Variants in PARD3B observed in about 807,000 individuals in gnomAD.
PARD3B encodes par-3 family cell polarity regulator beta, also known as partitioning defective 3 homolog B.
A neutral mutation model predicts 130.2 loss-of-function variants in PARD3B; 103 were observed. The ratio of observed to expected loss-of-function variants is 0.79; its 90% CI spans 0.67 to 0.93. PARD3B has a LOEUF of 0.93. PARD3B is among the 40% of genes least tolerant of loss of function. The pLI, the probability that PARD3B is intolerant of heterozygous loss-of-function variation, is 0.00. For synonymous variants in PARD3B, 583 were observed against 553.2 expected, an observed-to-expected ratio of 1.05 and a Z score of -0.76; for missense variants, 1,609 against 1,499.2, an observed-to-expected ratio of 1.07 and a Z score of -1.21.
chr2:205,339,117 T>C (rs1393865613), intron 18 of PARD3B, among the ~76,000 whole-genome samples: 1 of 152,360 alleles, frequency 6.6e-6, no homozygotes, highest in South Asian at 2.1e-4. Context: ...TTGAAGCATC[T>C]CTTGATGTAA....
Position 205,565,174 on chromosome 2 carries a change from GAT to G in PARD3B, c.3260+11773_3260+11774del, listed in dbSNP as rs540811441. Among the ~76,000 whole-genome samples the G allele has an allele frequency of 3.3e-5, 5 of 152,266 alleles. No homozygotes were observed. In the South Asian group the frequency reaches 1.0e-3, roughly 32 times the overall value. On this transcript the variant is annotated intron_variant, in intron 22 of 22. Transcript: ENST00000406610. ...CAAACACAGACCCTTTTCCAGAAATGATAGTGTCTGACAGCCCGGGTTTTACA... is the reference window on the plus strand; with the variant it reads ...CAAACACAGACCCTTTTCCAGAAATGAGTGTCTGACAGCCCGGGTTTTACA...
intron 22 of PARD3B, among the ~76,000 whole-genome samples, chr2:205,598,381 C>A (rs1319882961): frequency 1.3e-5 from 2 of 151,974 alleles, no homozygotes; most frequent in Non-Finnish European, 2.9e-5. Context: ...AAAAGCATTC[C>A]ATAATGATAA....
intron 18 of PARD3B, among the ~76,000 whole-genome samples, chr2:205,318,896 C>T (rs2042650789): frequency 1.3e-5 from 2 of 152,166 alleles, no homozygotes; most frequent in Admixed American, 1.3e-4. Flanking sequence ...TCTAGACTGG[C>T]ATTAGAGCTA....
rs542010766 is a variant in PARD3B, at chr2:205,413,098, C to G, written c.2741+11975C>G. 2.0e-5 allele frequency among the ~76,000 whole-genome samples: 3 copies of G among 152,168 alleles called. No individual in the cohort carries two copies. The South Asian group carries it at 6.2e-4, about 32-fold the overall frequency. ...CTGTTGGGTTTGAAGCCTAGCTGTT[C>G]CCTGTACTAGCTGTGTGATGGTGCA... On this transcript the variant is annotated intron_variant, in intron 19 of 22. Transcript: ENST00000406610.
At chr2:205,030,861 G>A (rs562127038) in intron 3 of PARD3B, among the ~76,000 whole-genome samples, 36 of 152,158 alleles carry the variant, frequency 2.4e-4, no homozygotes, top group Non-Finnish European at 1.2e-4. Flanking sequence ...TCCAGAGGGG[G>A]GTCTGTTTAC....
intron 3 of PARD3B, among the ~76,000 whole-genome samples, chr2:205,045,395 G>T (rs544646095): frequency 6.6e-6 from 1 of 151,638 alleles, no homozygotes; most frequent in African/African-American, 2.4e-5. Flanking sequence ...TTACAGTTGC[G>T]TACCACCATG....
At chr2:205,502,009 A>T (rs2050175456) in intron 21 of PARD3B, among the ~76,000 whole-genome samples, 1 of 152,086 alleles carries the variant, frequency 6.6e-6, no homozygotes, top group African/African-American at 2.4e-5. Flanking sequence ...TCCCAAAGGG[A>T]TGCTTGGGAA....
chr2:205,521,127 A>ATTAATGGT (rs2051029839), intron 21 of PARD3B, among the ~76,000 whole-genome samples: 1 of 151,656 alleles, frequency 6.6e-6, no homozygotes, highest in African/African-American at 2.4e-5. Flanking sequence ...CTGAACAAAT[A>ATTAATGGT]CTAATGGTCT....
In PARD3B at chr2:205,618,742, A is replaced by G. The variant is rs751402962; in HGVS notation, c.*2929A>G. ...CAGACCATTGAAAACTTTTAGATGC[A>G]GGAGAATTGAGACTTCCACAAGGGA... is the stretch of plus-strand genomic sequence containing the variant. On this transcript the variant is annotated 3_prime_UTR_variant, in exon 23 of 23. Transcript: ENST00000406610. 3 of 152,180 alleles carry G rather than the reference A, an allele frequency of 2.0e-5. No individual in the cohort carries two copies. The highest frequency in any genetic ancestry group is 7.2e-5 in the African/African-American group (3 of 41,440). The allele number at this position is 152,180 out of a possible 1,614,324, so 9.4% of individuals were successfully genotyped here.
chr2:205,357,297 G>C (rs186918413), intron 18 of PARD3B, among the ~76,000 whole-genome samples: 1 of 152,182 alleles, frequency 6.6e-6, no homozygotes, highest in Non-Finnish European at 1.5e-5. Flanking sequence ...GCATTTTGAG[G>C]ACATGACTAG....
chr2:205,453,756 A>G (rs923193147), intron 20 of PARD3B, among the ~76,000 whole-genome samples: 5 of 152,124 alleles, frequency 3.3e-5, no homozygotes, highest in Non-Finnish European at 7.4e-5. Flanking sequence ...TATAAAGGAA[A>G]AAGAAAGAGC....
rs975782226 is a variant in PARD3B, at chr2:205,550,327, TACC to T, written c.3181-2994_3181-2992del. The stretch of plus-strand genomic sequence containing the variant: ...TCAGACTTCCACAGTGATCTCATTG[TACC>T]ACAATTGTTTGCAGGCCTGTTTCCA... On this transcript the variant is annotated intron_variant, in intron 21 of 22. Transcript: ENST00000406610. This position sits in a 1 kb window ranked among gnomAD's most constrained non-coding sequence, Gnocchi z 4.5. 1.7e-4 allele frequency among the ~76,000 whole-genome samples: 26 copies of T among 152,326 alleles called. No individual in the cohort carries two copies. Among genetic ancestry groups the T allele is most frequent in the African/African-American group, 6.3e-4 (26 of 41,594 alleles).
intron 2 of PARD3B, among the ~76,000 whole-genome samples, chr2:204,921,340 A>G (rs766736647): frequency 2.6e-5 from 4 of 152,216 alleles, no homozygotes; most frequent in Admixed American, 6.5e-5. Context: ...GTAGCTAACA[A>G]TCTAGAGAAA....
At chr2:204,988,959 G>A (rs1693410280) in intron 3 of PARD3B, among the ~76,000 whole-genome samples, 1 of 152,172 alleles carries the variant, frequency 6.6e-6, no homozygotes, top group Non-Finnish European at 1.5e-5. Flanking sequence ...CATTAAATGA[G>A]AAATATTTAT....
At chr2:205,221,655 T>C (rs1316838261) in intron 15 of PARD3B, among the ~76,000 whole-genome samples, 4 of 152,198 alleles carry the variant, frequency 2.6e-5, no homozygotes, top group Non-Finnish European at 4.4e-5. Context: ...TTTGGATTCA[T>C]CTGTGGTTCT....
chr2:204,737,752 T>C (rs998876306), intron 2 of PARD3B, among the ~76,000 whole-genome samples: 9 of 152,224 alleles, frequency 5.9e-5, no homozygotes, highest in Non-Finnish European at 1.5e-5. Context: ...GATTTTTGTA[T>C]GAAGTGAGAT....
At chr2:204,758,671 G>A (rs1296338734) in intron 2 of PARD3B, among the ~76,000 whole-genome samples, 1 of 152,154 alleles carries the variant, frequency 6.6e-6, no homozygotes, top group African/African-American at 2.4e-5. Context: ...AGTTGAGACA[G>A]CACTGTTGTT....
chr2:204,929,304 C>T (rs1214881130), intron 2 of PARD3B, among the ~76,000 whole-genome samples: 1 of 152,136 alleles, frequency 6.6e-6, no homozygotes, highest in African/African-American at 2.4e-5. Context: ...ACACACGCTT[C>T]ACTGACATTG....
intron 18 of PARD3B, among the ~76,000 whole-genome samples, chr2:205,389,941 A>C (rs1023952130): frequency 5.3e-5 from 8 of 152,208 alleles, no homozygotes; most frequent in African/African-American, 1.9e-4. Flanking sequence ...TTAACCCCCA[A>C]CAATTTCCCT....
Sources: allele counts gnomAD v4.1 joint callset (sites outside exome capture counted in the v4.1 genomes callset), GRCh38; gene constraint gnomAD v4.1.1; non-coding constraint Gnocchi (gnomAD v3.1); transcripts MANE v1.5; gene names NCBI Gene and HGNC (gene_info 2026-07-23, HGNC 2026-07-21).